Variants in ATF2 observed in about 807,000 individuals in gnomAD.
ATF2 encodes activating transcription factor 2.
Under a neutral mutation model 60.6 loss-of-function variants are expected in ATF2, and 24 were observed. The ratio of observed to expected loss-of-function variants is 0.40; its 90% CI spans 0.29 to 0.56. The LOEUF (loss-of-function observed/expected upper bound fraction) is 0.56. ATF2 is among the 20% of genes least tolerant of loss of function. The pLI, the probability that ATF2 is intolerant of heterozygous loss-of-function variation, is 0.54. For synonymous variants in ATF2, 206 were observed against 215.4 expected (o/e 0.96, Z 0.38); for missense variants, 433 against 607.7 (o/e 0.71, Z 3.02).
chr2:175,152,511 C>T (rs1346397751), intron 1 of ATF2, among the ~76,000 whole-genome samples: 2 of 152,088 alleles, frequency 1.3e-5, no homozygotes, highest in Non-Finnish European at 2.9e-5. Flanking sequence ...AGAAAAGGCA[C>T]AATATTCAAA....
intron 11 of ATF2, among the ~76,000 whole-genome samples, chr2:175,094,400 TACGAAAAAAAA>T: frequency 2.5e-4 from 1 of 4,050 alleles, no homozygotes; most frequent in Non-Finnish European, 6.3e-4. Context: ...TCTCAAAAAA[TACGAAAAAAAA>T]AAAAAAAAAA....
intron 1 of ATF2, among the ~76,000 whole-genome samples, chr2:175,165,741 C>T (rs1051730834): frequency 6.6e-6 from 1 of 152,330 alleles, no homozygotes; most frequent in South Asian, 2.1e-4. Flanking sequence ...GCCATCTCGG[C>T]TCACTGCAAC....
chr2:175,159,085 A>C (rs1173442231), intron 1 of ATF2, among the ~76,000 whole-genome samples: 1 of 152,122 alleles, frequency 6.6e-6, no homozygotes, highest in East Asian at 1.9e-4. Context: ...TGGGAGGCCA[A>C]GGTAGGCAGA....
intron 4 of ATF2, among the ~76,000 whole-genome samples, chr2:175,128,208 T>C (rs952803643): frequency 4.6e-5 from 7 of 152,196 alleles, no homozygotes; most frequent in Non-Finnish European, 7.4e-5. Flanking sequence ...TTTAAAAACT[T>C]AGCTTCAACT....
intron 13 of ATF2, among the ~76,000 whole-genome samples, chr2:175,075,546 G>T (rs1210587346): frequency 2.0e-5 from 3 of 152,142 alleles, no homozygotes; most frequent in Non-Finnish European, 4.4e-5. Flanking sequence ...CAAATATTTA[G>T]ACCTGAACAA....
At chr2:175,154,162 CAA>C (rs1168112085) in intron 1 of ATF2, among the ~76,000 whole-genome samples, 2 of 149,390 alleles carry the variant, frequency 1.3e-5, no homozygotes, top group African/African-American at 4.9e-5. Context: ...TGCAGTGAGC[CAA>C]GATTGCACCA....
chr2:175,125,342 G>C (rs561649326), intron 4 of ATF2, among the ~76,000 whole-genome samples: 19 of 152,186 alleles, frequency 1.2e-4, no homozygotes, highest in South Asian at 4.1e-4. Context: ...ACAAATGGAT[G>C]AGTAGCCAGG....
intron 7 of ATF2, among the ~76,000 whole-genome samples, chr2:175,115,679 G>A (rs1006325935): frequency 6.6e-6 from 1 of 152,120 alleles, no homozygotes; most frequent in East Asian, 1.9e-4. Flanking sequence ...TAGTAGTATT[G>A]TAACTTCATT....
intron 1 of ATF2, among the ~76,000 whole-genome samples, chr2:175,161,080 A>C (rs995197555): frequency 2.0e-5 from 3 of 152,216 alleles, no homozygotes; most frequent in Admixed American, 1.3e-4. Flanking sequence ...TCACAGTATC[A>C]TAATTTTATC....
At position 175,093,163 on chromosome 2, in the gene ATF2, T is replaced by G. The variant is rs1036871801; in HGVS notation, c.1083A>C (p.Arg361=). The change falls in exon 12 of 14, where the codon CGA becomes CGC. Residue 361 remains arginine (R), a synonymous_variant. Transcript: ENST00000264110. The part of the protein sequence containing the change: ...PDEKRRKFLE[R]NRAAASRCRQ... ...GGCATCTTGAAGCTGCTGCTCTATT[T>G]CGCTCTAAAAACTTTCTCCTTTTTT... 18 of 1,614,208 alleles carry G rather than the reference T, an allele frequency of 1.1e-5. No individual in the cohort carries two copies. In the Middle Eastern group the frequency reaches 4.9e-4, roughly 44 times the overall value.
At chr2:175,148,573 C>G (rs1699100962) in intron 2 of ATF2, among the ~76,000 whole-genome samples, 1 of 152,146 alleles carries the variant, frequency 6.6e-6, no homozygotes, top group South Asian at 2.1e-4. Context: ...GGAGGTCCCA[C>G]AGGCCTCATT....
intron 10 of ATF2, among the ~76,000 whole-genome samples, chr2:175,098,286 T>C (rs960635020): frequency 6.6e-6 from 1 of 152,224 alleles, no homozygotes; most frequent in African/African-American, 2.4e-5. Context: ...TTTGTTATGA[T>C]CTGTAAATAT....
At chr2:175,079,804 G>A (rs1693645583) in intron 13 of ATF2, among the ~76,000 whole-genome samples, 1 of 152,094 alleles carries the variant, frequency 6.6e-6, no homozygotes, top group Admixed American at 6.6e-5. Context: ...GATACATATG[G>A]TTGAAACAAT....
intron 10 of ATF2, among the ~76,000 whole-genome samples, chr2:175,099,891 CAG>C (rs1352464076): frequency 6.6e-6 from 1 of 152,208 alleles, no homozygotes; most frequent in Non-Finnish European, 1.5e-5. Context: ...AAACTCAAGA[CAG>C]AGAGTCTGAA....
Position 175,168,075 on chromosome 2 carries a change from C to T in ATF2, c.-168G>A, listed in dbSNP as rs190677752. 4 of 194,446 alleles carry T rather than the reference C, an allele frequency of 2.1e-5. No individual in the cohort carries two copies. The highest frequency in any genetic ancestry group is 9.2e-5 in the African/African-American group (4 of 43,260). 12.0% of individuals were successfully genotyped at this position (194,446 alleles called of 1,614,324 possible). ...CTTTCCAGGTCACTAGTTCATGATC[C>T]TTTCGGTCACCCGCGAGCCCTGAGC... is the stretch of plus-strand genomic sequence containing the variant. On this transcript the variant is annotated 5_prime_UTR_variant, in exon 1 of 14. Transcript: ENST00000264110.
intron 7 of ATF2, among the ~76,000 whole-genome samples, chr2:175,115,152 T>C (rs1231869004): frequency 6.6e-6 from 1 of 151,848 alleles, no homozygotes; most frequent in African/African-American, 2.4e-5. Flanking sequence ...TTGGCTATGA[T>C]ACCAAGAGAA....
intron 3 of ATF2, among the ~76,000 whole-genome samples, chr2:175,133,702 T>C (rs572811722): frequency 6.6e-6 from 1 of 152,276 alleles, no homozygotes; most frequent in Non-Finnish European, 1.5e-5. Context: ...TAAGTCACAG[T>C]AGATCATAGA....
At chr2:175,157,941 G>A (rs1262546414) in intron 1 of ATF2, among the ~76,000 whole-genome samples, 2 of 151,666 alleles carry the variant, frequency 1.3e-5, no homozygotes, top group South Asian at 2.1e-4. Context: ...GCAGTGAGCC[G>A]AGATCGCGCT....
At chr2:175,163,550 A>G (rs1390694876) in intron 1 of ATF2, among the ~76,000 whole-genome samples, 1 of 152,188 alleles carries the variant, frequency 6.6e-6, no homozygotes, top group Non-Finnish European at 1.5e-5. Flanking sequence ...ACAGAATGCA[A>G]ATATGGGTGA....
Sources: gnomAD v4.1 joint callset for allele counts (sites outside exome capture counted in the v4.1 genomes callset) on GRCh38, gnomAD v4.1.1 for gene constraint, MANE v1.5 for transcripts, NCBI Gene and HGNC (gene_info 2026-07-23, HGNC 2026-07-21) for gene names.